Variants in CELF4 observed in about 807,000 individuals in gnomAD.
The protein encoded by CELF4 is CUGBP Elav-like family member 4, also known as CUG-BP- and ETR-3-like factor 4.
A neutral mutation model predicts 59.9 loss-of-function variants in CELF4; 18 were observed. The ratio of observed to expected loss-of-function variants is 0.30; its 90% CI spans 0.21 to 0.45. The LOEUF (loss-of-function observed/expected upper bound fraction) is 0.45, where lower values mean the gene tolerates loss of function less well. CELF4 is among the 20% of genes least tolerant of loss of function. CELF4 has a pLI of 1.00. For synonymous variants in CELF4, 261 were observed against 267.1 expected (o/e 0.98, Z 0.22); for missense variants, 456 against 689.0 (o/e 0.66, Z 3.79).
rs397959278 is a variant in CELF4, at chr18:37,393,856, C to CTTT, written c.370-71978_370-71976dup. On this transcript the variant is annotated intron_variant, in intron 2 of 12. Transcript: ENST00000420428. ...AATTAAGTGATATTCCTTTACGCGG[C>CTTT]TTTTTTTTTTTTTTTTAATTTTAAG... is the stretch of plus-strand genomic sequence containing the variant. 6.6e-4 allele frequency among the ~76,000 whole-genome samples: 86 copies of CTTT among 131,122 alleles called. No homozygotes were observed. In the South Asian group the frequency reaches 0.015, roughly 23 times the overall value. The allele number at this position is 131,122 out of a possible 152,430, so 86.0% of individuals were successfully genotyped here.
At chr18:37,535,407 G>A (rs1323129513) in intron 1 of CELF4, among the ~76,000 whole-genome samples, 2 of 152,272 alleles carry the variant, frequency 1.3e-5, no homozygotes, top group African/African-American at 4.8e-5. Flanking sequence ...GTTTCAAAGA[G>A]CAGTGGCCCA....
chr18:37,543,028 T>A (rs2099978897), intron 1 of CELF4, among the ~76,000 whole-genome samples: 1 of 152,076 alleles, frequency 6.6e-6, no homozygotes, highest in Admixed American at 6.5e-5. Context: ...CTCTTCAATC[T>A]CTGCATGGAC....
rs753438176 is a variant in CELF4 at position 37,269,232 on chromosome 18, G to A, written c.1099+1536C>T. Among the ~76,000 whole-genome samples, 9 of 152,156 alleles carry A rather than the reference G, an allele frequency of 5.9e-5. No homozygotes were observed. The East Asian group carries it at 1.7e-3, about 29-fold the overall frequency. On this transcript the variant is annotated intron_variant, in intron 8 of 12. Transcript: ENST00000420428. ...TTAAACAACACTCCAGATCATTAGA[G>A]CCTCATCACTTCACTCTCTAGACTC... is the stretch of plus-strand genomic sequence containing the variant.
intron 1 of CELF4, among the ~76,000 whole-genome samples, chr18:37,497,286 A>T (rs1272645492): frequency 6.6e-6 from 1 of 152,196 alleles, no homozygotes; most frequent in African/African-American, 2.4e-5. Flanking sequence ...AATATGCTTC[A>T]TTCATTCATT....
chr18:37,271,716 A>T (rs2091386734), intron 7 of CELF4, among the ~76,000 whole-genome samples: 1 of 152,158 alleles, frequency 6.6e-6, no homozygotes, highest in Non-Finnish European at 1.5e-5. Context: ...TGAGGCAGAG[A>T]GGTTATTACA....
chr18:37,408,865 C>T (rs2099411237), intron 2 of CELF4, among the ~76,000 whole-genome samples: 3 of 152,316 alleles, frequency 2.0e-5, no homozygotes, highest in Non-Finnish European at 4.4e-5. Flanking sequence ...CCCTCTCCAC[C>T]TGCCCACCTC....
At chr18:37,275,468 G>T (rs1043998307) in intron 3 of CELF4, among the ~76,000 whole-genome samples, 1 of 152,074 alleles carries the variant, frequency 6.6e-6, no homozygotes, top group Admixed American at 6.5e-5. Context: ...GCACAGTCGC[G>T]GGACAGGTGC....
At chr18:37,499,172 C>T (rs1311670448) in intron 1 of CELF4, among the ~76,000 whole-genome samples, 2 of 152,266 alleles carry the variant, frequency 1.3e-5, no homozygotes, top group African/African-American at 2.4e-5. Flanking sequence ...GGGCTCAGAA[C>T]GACAGATGGT....
At chr18:37,301,862 G>A (rs544808313) in intron 3 of CELF4, among the ~76,000 whole-genome samples, 1 of 152,192 alleles carries the variant, frequency 6.6e-6, no homozygotes, top group Non-Finnish European at 1.5e-5. Context: ...GTGTGGGAAA[G>A]TTCCTGTCCA....
intron 1 of CELF4, among the ~76,000 whole-genome samples, chr18:37,490,399 TAA>T (rs1247801259): frequency 1.3e-5 from 2 of 152,080 alleles, no homozygotes; most frequent in Non-Finnish European, 2.9e-5. Flanking sequence ...AAATCTTTAC[TAA>T]AAGAGTAGGA....
chr18:37,311,833 C>A (rs1024762149), intron 3 of CELF4, among the ~76,000 whole-genome samples: 1 of 140,926 alleles, frequency 7.1e-6, no homozygotes, highest in African/African-American at 2.6e-5. Context: ...AGGGATCGTC[C>A]GGGCGCGGTG....
chr18:37,282,093 G>C (rs1448335631), intron 3 of CELF4, among the ~76,000 whole-genome samples: 1 of 152,162 alleles, frequency 6.6e-6, no homozygotes, highest in African/African-American at 2.4e-5. Flanking sequence ...ATTAAATGAG[G>C]TTTTTAGCAC....
intron 1 of CELF4, among the ~76,000 whole-genome samples, chr18:37,514,657 G>A (rs909705529): frequency 6.6e-6 from 1 of 152,086 alleles, no homozygotes; most frequent in Admixed American, 6.5e-5. Flanking sequence ...AAAGCAAAGG[G>A]AATTAGAATT....
intron 3 of CELF4, among the ~76,000 whole-genome samples, chr18:37,298,988 G>C (rs1375296767): frequency 1.3e-5 from 2 of 152,220 alleles, no homozygotes; most frequent in African/African-American, 2.4e-5. Flanking sequence ...AGGTGGCTGT[G>C]CTTGCTAACC....
chr18:37,335,015 TC>T (rs1361279557), intron 2 of CELF4, among the ~76,000 whole-genome samples: 2 of 79,534 alleles, frequency 2.5e-5, no homozygotes, highest in Non-Finnish European at 4.9e-5. Flanking sequence ...CCTCCCTCCC[TC>T]TGCTCCCCCC....
At chr18:37,410,273 G>C (rs1376500996) in intron 2 of CELF4, among the ~76,000 whole-genome samples, 1 of 152,208 alleles carries the variant, frequency 6.6e-6, no homozygotes, top group Non-Finnish European at 1.5e-5. Flanking sequence ...TTCCTTCTCT[G>C]CTCCTGAAGA....
intron 2 of CELF4, among the ~76,000 whole-genome samples, chr18:37,362,031 T>C (rs1468323132): frequency 6.6e-6 from 1 of 151,986 alleles, no homozygotes; most frequent in Admixed American, 6.6e-5. Flanking sequence ...TTCACCTGGG[T>C]CCTGGGGTCC....
chr18:37,338,786 GT>G (rs1486342533), intron 2 of CELF4, among the ~76,000 whole-genome samples: 1 of 151,910 alleles, frequency 6.6e-6, no homozygotes, highest in African/African-American at 2.4e-5. Flanking sequence ...GTGTGTGTGT[GT>G]GTGTGTGGTG....
intron 1 of CELF4, among the ~76,000 whole-genome samples, chr18:37,498,880 G>A (rs2099928287): frequency 6.6e-6 from 1 of 152,166 alleles, no homozygotes; most frequent in Non-Finnish European, 1.5e-5. Flanking sequence ...GTGAAATGGG[G>A]ATAATGACAC....
Sources: gnomAD v4.1 joint callset for allele counts (sites outside exome capture counted in the v4.1 genomes callset) on GRCh38, gnomAD v4.1.1 for gene constraint, MANE v1.5 for transcripts, NCBI Gene and HGNC (gene_info 2026-07-23, HGNC 2026-07-21) for gene names.